OR4C16: variants seen among roughly 807,000 people sequenced by gnomAD.
OR4C16 encodes olfactory receptor family 4 subfamily C member 16.
In OR4C16, 24 loss-of-function variants were observed where a neutral mutation model predicts 14.4. That is an observed-to-expected ratio of 1.66 (90% confidence interval 1.21 to 2.34). OR4C16 has a LOEUF of 2.34. OR4C16 is among the 30% of genes most tolerant of loss of function. OR4C16 has a pLI of 0.00. For missense variants in OR4C16, 674 were observed against 364.2 expected (o/e 1.85, Z -6.92); for synonymous variants, 233 against 133.5 (o/e 1.75, Z -5.14).
At position 55,572,239 on chromosome 11, in the gene OR4C16, T is replaced by C; in HGVS notation, c.112T>C (p.Leu38=). Residue 38 remains leucine, a synonymous_variant, in exon 1 of 1, where the codon TTG becomes CTG. Coordinates refer to ENST00000623907, the MANE Select transcript of OR4C16 (RefSeq NM_001004701.2). Reference sequence around the variant, plus strand: ...TTTGCGTCTCTACTTGGGAACACTGTTGGGTAATTTGCTAATCATTATTAG... The same window carrying C: ...TTTGCGTCTCTACTTGGGAACACTGCTGGGTAATTTGCTAATCATTATTAG... ...IFLRLYLGTL[L]GNLLIIISVK... is the part of the protein sequence containing the mutation. The C allele has an allele frequency of 6.2e-7, 1 of 1,611,524 alleles. No homozygotes were observed. Among genetic ancestry groups the C allele is most frequent in the South Asian group, 1.1e-5 (1 of 91,028 alleles).
chr11:55,572,187 T>A lies in OR4C16; in HGVS notation c.60T>A (p.Phe20Leu). Reference sequence around the variant, plus strand: ...TGCTTGGATTGACACAGGATCCTTTTTGGAAGAAAATAGTGTTTGTTATTT... The same window carrying A: ...TGCTTGGATTGACACAGGATCCTTTATGGAAGAAAATAGTGTTTGTTATTT... ...FILLGLTQDP[F>L]WKKIVFVIFL... The change falls in exon 1 of 1, where the codon TTT becomes TTA. Residue 20 changes from phenylalanine to leucine, a missense_variant. Coordinates refer to ENST00000623907, the MANE Select transcript of OR4C16 (RefSeq NM_001004701.2). 1 of 1,612,602 alleles carries A rather than the reference T, an allele frequency of 6.2e-7. No individual in the cohort carries two copies. The highest frequency in any genetic ancestry group is 8.5e-7 in the Non-Finnish European group (1 of 1,178,810).
rs1005210017 is a variant in OR4C16, at chr11:55,572,307, C to T, written c.180C>T (p.Phe60=). 2 of 1,613,282 alleles carry T rather than the reference C, an allele frequency of 1.2e-6. No individual in the cohort carries two copies. The highest frequency in any genetic ancestry group is 1.3e-5 in the African/African-American group (1 of 74,864). ...CACTTAAGAACCCAATGTTCTTCTT[C>T]CTTTTCTACTTATCCTTATCTGATA... ...SQALKNPMFF[F]LFYLSLSDTC... The change falls in exon 1 of 1, where the codon TTC becomes TTT. Residue 60 remains phenylalanine, a synonymous_variant. Coordinates refer to ENST00000623907, the MANE Select transcript of OR4C16 (RefSeq NM_001004701.2).
In OR4C16 at chr11:55,572,432, C is replaced by A. The variant is rs372236475; in HGVS notation, c.305C>A (p.Ser102Tyr). 3.1e-6 allele frequency: 5 copies of A among 1,613,934 alleles called. No homozygotes were observed. The African/African-American group carries it at 6.7e-5, about 22-fold the overall frequency. The change falls in exon 1 of 1, where the codon TCC (serine) becomes TAC (tyrosine). Residue 102 changes from serine (S) to tyrosine (Y), a missense_variant. By Grantham distance (144) the Ser-to-Tyr change is moderately radical. Transcript: ENST00000623907. ...GAGTGCATGATCCAAGTCTTTTCAT[C>A]CCATGTCTTTGGCTGCCTGGAGATC... ...FSECMIQVFS[S>Y]HVFGCLEIFI...
Position 55,572,167 on chromosome 11 carries a change from G to C in OR4C16, c.40G>C (p.Gly14Arg). The C allele has an allele frequency of 3.7e-6, 6 of 1,611,636 alleles. No homozygotes were observed. The highest frequency in any genetic ancestry group is 5.1e-6 in the Non-Finnish European group (6 of 1,178,462). ...NNNVTEFILL[G>R]LTQDPFWKKI... is the part of the protein sequence containing the mutation. The stretch of plus-strand genomic sequence containing the variant: ...TAATGTGACTGAGTTCATTCTGCTT[G>C]GATTGACACAGGATCCTTTTTGGAA... Residue 14 changes from glycine (G) to arginine (R), a missense_variant, in exon 1 of 1, where the codon GGA (glycine) becomes CGA (arginine). Transcript: ENST00000623907.
rs1341390802 is a variant in OR4C16, at chr11:55,572,596, C to G, written c.469C>G (p.Gln157Glu). ...WVGSCVHSLV[Q>E]IFLALSLPFC... ...GGGATCCTGTGTGCATTCTTTAGTT[C>G]AGATTTTTCTTGCCCTGAGTTTGCC... Residue 157 changes from glutamine to glutamate, a missense_variant, in exon 1 of 1, where the codon CAG becomes GAG. Coordinates refer to ENST00000623907, the MANE Select transcript of OR4C16 (RefSeq NM_001004701.2). The G allele has an allele frequency of 3.1e-6, 5 of 1,613,914 alleles. No homozygotes were observed. Among genetic ancestry groups the G allele is most frequent in the Non-Finnish European group, 2.5e-6 (3 of 1,180,000 alleles).
rs374286455 is a variant in OR4C16, at chr11:55,572,644, A to G, written c.517A>G (p.Asn173Asp). The change falls in exon 1 of 1, where the codon AAT becomes GAT. Residue 173 changes from asparagine to aspartate, a missense_variant. Asn to Asp is a conservative substitution (Grantham distance 23). Coordinates refer to ENST00000623907, the MANE Select transcript of OR4C16 (RefSeq NM_001004701.2). ...GCCATTCTGTGGCCCCAATGTGATCAATCACTGTTTCTGTGACTTGCAGCC... is the reference window on the plus strand; with the variant it reads ...GCCATTCTGTGGCCCCAATGTGATCGATCACTGTTTCTGTGACTTGCAGCC... The part of the protein sequence containing the change: ...SLPFCGPNVI[N>D]HCFCDLQPLL... 3.7e-6 allele frequency: 6 copies of G among 1,614,134 alleles called. No homozygotes were observed. The highest frequency in any genetic ancestry group is 5.1e-6 in the Non-Finnish European group (6 of 1,180,022).
Position 55,572,837 on chromosome 11 carries a change from C to T in OR4C16, c.710C>T (p.Thr237Ile), listed in dbSNP as rs1385063577. 6 of 1,613,884 alleles carry T rather than the reference C, an allele frequency of 3.7e-6. No homozygotes were observed. Among genetic ancestry groups the T allele is most frequent in the Middle Eastern group, 1.7e-4 (1 of 6,058 alleles). Residue 237 changes from threonine to isoleucine, a missense_variant, in exon 1 of 1, where the codon ACA becomes ATA. Transcript: ENST00000623907. ...GAAGTGATAAAGAAAGCACTTTCCACATGTGTCTCCCACATCATTGTGGTC... is the reference window on the plus strand; with the variant it reads ...GAAGTGATAAAGAAAGCACTTTCCATATGTGTCTCCCACATCATTGTGGTC... ...SAEVIKKALS[T>I]CVSHIIVVIL... is the part of the protein sequence containing the mutation.
In OR4C16 at chr11:55,572,202, G is replaced by T; in HGVS notation, c.75G>T (p.Val25=). ...AGGATCCTTTTTGGAAGAAAATAGTGTTTGTTATTTTTTTGCGTCTCTACT... is the reference window on the plus strand; with the variant it reads ...AGGATCCTTTTTGGAAGAAAATAGTTTTTGTTATTTTTTTGCGTCTCTACT... ...LTQDPFWKKI[V]FVIFLRLYLG... The change falls in exon 1 of 1, where the codon GTG becomes GTT. Residue 25 remains valine (V), a synonymous_variant. Transcript: ENST00000623907. 6.2e-7 allele frequency: 1 copy of T among 1,611,342 alleles called. No individual in the cohort carries two copies. The highest frequency in any genetic ancestry group is 1.1e-5 in the South Asian group (1 of 91,002).
Position 55,572,696 on chromosome 11 carries a change from C to G in OR4C16, c.569C>G (p.Thr190Ser). 2 of 1,613,800 alleles carry G rather than the reference C, an allele frequency of 1.2e-6. No individual in the cohort carries two copies. Among genetic ancestry groups the G allele is most frequent in the South Asian group, 1.1e-5 (1 of 91,040 alleles). Residue 190 changes from threonine (T) to serine (S), a missense_variant, in exon 1 of 1, where the codon ACC becomes AGC. Physicochemically the swap from Thr to Ser is moderately conservative, Grantham distance 58. Coordinates refer to ENST00000623907, the MANE Select transcript of OR4C16 (RefSeq NM_001004701.2). ...QPLLKQACSE[T>S]YVVNLLLVSN... ...TTGTTGAAACAAGCCTGTTCAGAAACCTATGTGGTTAACCTACTCCTGGTT... is the reference window on the plus strand; with the variant it reads ...TTGTTGAAACAAGCCTGTTCAGAAAGCTATGTGGTTAACCTACTCCTGGTT...
chr11:55,572,176 C>T lies in OR4C16; in HGVS notation c.49C>T (p.Gln17Ter), dbSNP rs1459101. 420,641 of 1,609,280 alleles carry T rather than the reference C, an allele frequency of 0.26. 57,652 individuals are homozygous for T. Among genetic ancestry groups the T allele is most frequent in the Admixed American group, 0.38 (22,829 of 59,886 alleles). Residue 17 changes from glutamine (Q) to a stop codon, truncating the protein, a stop_gained, in exon 1 of 1, where the codon CAG (glutamine) becomes TAG (stop). Coordinates refer to ENST00000623907, the MANE Select transcript of OR4C16 (RefSeq NM_001004701.2). LOFTEE classifies it high-confidence loss of function. ...VTEFILLGLT[Q>*]DPFWKKIVFV... ...TGAGTTCATTCTGCTTGGATTGACACAGGATCCTTTTTGGAAGAAAATAGT... is the reference window on the plus strand; with the variant it reads ...TGAGTTCATTCTGCTTGGATTGACATAGGATCCTTTTTGGAAGAAAATAGT...
chr11:55,572,705 T>A lies in OR4C16; in HGVS notation c.578T>A (p.Val193Asp), dbSNP rs201836039. 1 of 1,613,760 alleles carries A rather than the reference T, an allele frequency of 6.2e-7. No individual in the cohort carries two copies. The highest frequency in any genetic ancestry group is 8.5e-7 in the Non-Finnish European group (1 of 1,179,738). Residue 193 changes from valine (V) to aspartate (D), a missense_variant, in exon 1 of 1, where the codon GTT becomes GAT. Val to Asp is a radical substitution (Grantham distance 152). Coordinates refer to ENST00000623907, the MANE Select transcript of OR4C16 (RefSeq NM_001004701.2). ...CAAGCCTGTTCAGAAACCTATGTGG[T>A]TAACCTACTCCTGGTTTCCAATAGT... ...LKQACSETYV[V>D]NLLLVSNSGA...
In OR4C16 at chr11:55,572,516, A is replaced by G. The variant is rs369412835; in HGVS notation, c.389A>G (p.Tyr130Cys). Residue 130 changes from tyrosine to cysteine, a missense_variant, in exon 1 of 1, where the codon TAC (tyrosine) becomes TGC (cysteine). Tyr to Cys is a radical substitution (Grantham distance 194). Transcript: ENST00000623907. Reference protein sequence around the residue: ...RYVDICKPLHYMTIISQWVCG... With the variant: ...RYVDICKPLHCMTIISQWVCG... Reference sequence around the variant, plus strand: ...GTGGACATCTGTAAGCCCCTGCACTACATGACCATCATAAGCCAGTGGGTC... The same window carrying G: ...GTGGACATCTGTAAGCCCCTGCACTGCATGACCATCATAAGCCAGTGGGTC... The G allele has an allele frequency of 7.4e-6, 12 of 1,613,916 alleles. No homozygotes were observed. The highest frequency in any genetic ancestry group is 6.7e-5 in the African/African-American group (5 of 74,898).
rs771676574 is a variant in OR4C16 at position 55,572,517 on chromosome 11, C to T, written c.390C>T (p.Tyr130=). The T allele has an allele frequency of 1.2e-5, 20 of 1,614,084 alleles. No homozygotes were observed. Among genetic ancestry groups the T allele is most frequent in the Non-Finnish European group, 1.6e-5 (19 of 1,179,992 alleles). The change falls in exon 1 of 1, where the codon TAC becomes TAT. Residue 130 remains tyrosine (Y), a synonymous_variant. Coordinates refer to ENST00000623907, the MANE Select transcript of OR4C16 (RefSeq NM_001004701.2). ...RYVDICKPLH[Y]MTIISQWVCG... ...TGGACATCTGTAAGCCCCTGCACTACATGACCATCATAAGCCAGTGGGTCT... is the reference window on the plus strand; with the variant it reads ...TGGACATCTGTAAGCCCCTGCACTATATGACCATCATAAGCCAGTGGGTCT...
chr11:55,572,396 T>A lies in OR4C16; in HGVS notation c.269T>A (p.Ile90Asn), dbSNP rs1443214880. 1 of 1,614,020 alleles carries A rather than the reference T, an allele frequency of 6.2e-7. No individual in the cohort carries two copies. Among genetic ancestry groups the A allele is most frequent in the East Asian group, 2.2e-5 (1 of 44,866 alleles). The change falls in exon 1 of 1, where the codon ATC (isoleucine) becomes AAC (asparagine). Residue 90 changes from isoleucine to asparagine, a missense_variant. Coordinates refer to ENST00000623907, the MANE Select transcript of OR4C16 (RefSeq NM_001004701.2). ...GATGCCCTTTTGAAGAAGACAACTA[T>A]CTCCTTCAGCGAGTGCATGATCCAA... ...IVDALLKKTT[I>N]SFSECMIQVF...
At position 55,572,875 on chromosome 11, in the gene OR4C16, G is replaced by A. The variant is rs1246027115; in HGVS notation, c.748G>A (p.Gly250Arg). The change falls in exon 1 of 1, where the codon GGA becomes AGA. Residue 250 changes from glycine (G) to arginine (R), a missense_variant. Transcript: ENST00000623907. ...SHIIVVILFF[G>R]PCIFMYTCLA... is the part of the protein sequence containing the mutation. ...CATCATTGTGGTCATCTTGTTCTTT[G>A]GACCTTGCATATTTATGTACACATG... 3.1e-6 allele frequency: 5 copies of A among 1,613,752 alleles called. No homozygotes were observed. The highest frequency in any genetic ancestry group is 2.5e-6 in the Non-Finnish European group (3 of 1,179,860).
chr11:55,572,917 C>A lies in OR4C16; in HGVS notation c.790C>A (p.Pro264Thr), dbSNP rs537719956. Reference protein sequence around the residue: ...FMYTCLATVFPMDKMIAVFYT... With the variant: ...FMYTCLATVFTMDKMIAVFYT... ...GTACACATGCCTTGCAACCGTATTC[C>A]CCATGGATAAGATGATAGCTGTATT... The change falls in exon 1 of 1, where the codon CCC (proline) becomes ACC (threonine). Residue 264 changes from proline (P) to threonine (T), a missense_variant. Physicochemically the swap from Pro to Thr is conservative, Grantham distance 38. Coordinates refer to ENST00000623907, the MANE Select transcript of OR4C16 (RefSeq NM_001004701.2). The A allele has an allele frequency of 6.2e-7, 1 of 1,613,590 alleles. No homozygotes were observed. The highest frequency in any genetic ancestry group is 2.2e-5 in the East Asian group (1 of 44,864).
chr11:55,572,909 C>G lies in OR4C16; in HGVS notation c.782C>G (p.Thr261Ser). ...PCIFMYTCLA[T>S]VFPMDKMIAV... ...ATATTTATGTACACATGCCTTGCAA[C>G]CGTATTCCCCATGGATAAGATGATA... is the stretch of plus-strand genomic sequence containing the variant. Residue 261 changes from threonine (T) to serine (S), a missense_variant, in exon 1 of 1, where the codon ACC becomes AGC. Thr to Ser is a moderately conservative substitution (Grantham distance 58, BLOSUM62 1). Transcript: ENST00000623907. 6.2e-7 allele frequency: 1 copy of G among 1,613,684 alleles called. No homozygotes were observed.
At position 55,572,659 on chromosome 11, in the gene OR4C16, G is replaced by A. The variant is rs1320864240; in HGVS notation, c.532G>A (p.Asp178Asn). The change falls in exon 1 of 1, where the codon GAC becomes AAC. Residue 178 changes from aspartate to asparagine, a missense_variant. By Grantham distance (23) the Asp-to-Asn change is conservative (BLOSUM62 1). Coordinates refer to ENST00000623907, the MANE Select transcript of OR4C16 (RefSeq NM_001004701.2). ...CAATGTGATCAATCACTGTTTCTGTGACTTGCAGCCCTTGTTGAAACAAGC... is the reference window on the plus strand; with the variant it reads ...CAATGTGATCAATCACTGTTTCTGTAACTTGCAGCCCTTGTTGAAACAAGC... Reference protein sequence around the residue: ...GPNVINHCFCDLQPLLKQACS... With the variant: ...GPNVINHCFCNLQPLLKQACS... 8 of 1,614,018 alleles carry A rather than the reference G, an allele frequency of 5.0e-6. No individual in the cohort carries two copies. In the African/African-American group the frequency reaches 8.0e-5, roughly 16 times the overall value.
Position 55,572,684 on chromosome 11 carries a change from C to G in OR4C16, c.557C>G (p.Ala186Gly). The G allele has an allele frequency of 6.2e-7, 1 of 1,613,940 alleles. No individual in the cohort carries two copies. The highest frequency in any genetic ancestry group is 8.5e-7 in the Non-Finnish European group (1 of 1,179,904). The change falls in exon 1 of 1, where the codon GCC (alanine) becomes GGC (glycine). Residue 186 changes from alanine (A) to glycine (G), a missense_variant. Physicochemically the swap from Ala to Gly is moderately conservative, Grantham distance 60 (BLOSUM62 0). Coordinates refer to ENST00000623907, the MANE Select transcript of OR4C16 (RefSeq NM_001004701.2). The stretch of plus-strand genomic sequence containing the variant: ...GACTTGCAGCCCTTGTTGAAACAAG[C>G]CTGTTCAGAAACCTATGTGGTTAAC... ...FCDLQPLLKQ[A>G]CSETYVVNLL... is the part of the protein sequence containing the mutation.
Sources: allele counts gnomAD v4.1 joint callset, GRCh38; gene constraint gnomAD v4.1.1; transcripts MANE v1.5; gene names NCBI Gene and HGNC (gene_info 2026-07-23, HGNC 2026-07-21).